ROBO1: variants seen among roughly 807,000 people sequenced by gnomAD.
ROBO1 encodes the protein roundabout guidance receptor 1.
A neutral mutation model predicts 195.9 loss-of-function variants in ROBO1; 149 were observed. The observed-to-expected ratio is 0.76, with a 90% CI of 0.67 to 0.87. ROBO1 has a LOEUF of 0.87. Ranked by LOEUF, ROBO1 falls within the 40% of genes least tolerant of loss-of-function variation. The pLI is 0.00. For synonymous variants in ROBO1, 816 were observed against 733.2 expected, an observed-to-expected ratio of 1.11 and a Z score of -1.82; for missense variants, 1,933 against 2,068.3, an observed-to-expected ratio of 0.93 and a Z score of 1.27.
At chr3:78,680,784 A>G (rs1432977281) in intron 10 of ROBO1, among the ~76,000 whole-genome samples, 3 of 147,560 alleles carry the variant, frequency 2.0e-5, no homozygotes, top group African/African-American at 5.1e-5. Context: ...GCGATTCCTC[A>G]GGGATCTAGA....
chr3:79,136,519 C>A (rs2080412621), intron 2 of ROBO1, among the ~76,000 whole-genome samples: 2 of 152,058 alleles, frequency 1.3e-5, no homozygotes, highest in Non-Finnish European at 2.9e-5. Context: ...TTGTGTTCTA[C>A]AAATTGGATC....
chr3:78,903,813 T>G (rs1198422076), intron 4 of ROBO1, among the ~76,000 whole-genome samples: 1 of 152,118 alleles, frequency 6.6e-6, no homozygotes, highest in Non-Finnish European at 1.5e-5. Flanking sequence ...TTTAAATGCT[T>G]AAATCTCTTA....
intron 2 of ROBO1, among the ~76,000 whole-genome samples, chr3:79,277,856 T>A (rs2031176964): frequency 1.3e-5 from 2 of 151,588 alleles, no homozygotes; most frequent in African/African-American, 4.8e-5. Flanking sequence ...ATAGAGGGCA[T>A]CCAAATTGAA....
chr3:79,315,115 C>T (rs949457928), intron 2 of ROBO1, among the ~76,000 whole-genome samples: 2 of 152,010 alleles, frequency 1.3e-5, no homozygotes, highest in Non-Finnish European at 2.9e-5. Context: ...TGGTTTTGAA[C>T]AGAAGGATGA....
chr3:78,822,093 TACACACACAC>T (rs113114251), intron 4 of ROBO1, among the ~76,000 whole-genome samples: 2 of 146,854 alleles, frequency 1.4e-5, no homozygotes, highest in Non-Finnish European at 3.0e-5. Flanking sequence ...CACATATACA[TACACACACAC>T]ACACACACAC....
chr3:79,698,240 T>C (rs1252595976), intron 1 of ROBO1, among the ~76,000 whole-genome samples: 1 of 151,496 alleles, frequency 6.6e-6, no homozygotes, highest in Non-Finnish European at 1.5e-5. Context: ...ACTATAACTA[T>C]TAGTAGCAAT....
chr3:79,196,286 T>G (rs2081633195), intron 2 of ROBO1, among the ~76,000 whole-genome samples: 1 of 150,142 alleles, frequency 6.7e-6, no homozygotes, highest in Non-Finnish European at 1.5e-5. Flanking sequence ...TTTTTTTTTT[T>G]TTTTTCAGTT....
At position 78,688,791 on chromosome 3, in the gene ROBO1, A is replaced by C; in HGVS notation, c.1046-19T>G. The C allele has an allele frequency of 6.3e-7, 1 of 1,596,886 alleles. No homozygotes were observed. The highest frequency in any genetic ancestry group is 8.5e-7 in the Non-Finnish European group (1 of 1,171,706). ...GGAGGTTCTGAAGGAGGTGAAACAA[A>C]TTACACCGAATTAAAAGCACGTTGT... On this transcript the variant is annotated intron_variant, in intron 8 of 30. Coordinates refer to ENST00000464233, the MANE Select transcript of ROBO1 (RefSeq NM_002941.4).
intron 4 of ROBO1, among the ~76,000 whole-genome samples, chr3:78,825,096 T>C (rs557112098): frequency 1.8e-4 from 27 of 152,200 alleles, no homozygotes; most frequent in Non-Finnish European, 3.1e-4. Flanking sequence ...TTACTTCAAA[T>C]ACATGCTGAG....
chr3:78,859,750 G>A (rs1432891496), intron 4 of ROBO1, among the ~76,000 whole-genome samples: 1 of 152,048 alleles, frequency 6.6e-6, no homozygotes, highest in Non-Finnish European at 1.5e-5. Context: ...CAATAAGAAG[G>A]GGCATTGGGA....
At chr3:79,123,456 CATT>C (rs1206969691) in intron 3 of ROBO1, among the ~76,000 whole-genome samples, 1 of 151,924 alleles carries the variant, frequency 6.6e-6, no homozygotes, top group Admixed American at 6.6e-5. Flanking sequence ...ATGCAGTCAA[CATT>C]ATTTTTTCTA....
intron 4 of ROBO1, among the ~76,000 whole-genome samples, chr3:78,772,389 A>C (rs2083397509): frequency 6.6e-6 from 1 of 152,116 alleles, no homozygotes; most frequent in South Asian, 2.1e-4. Context: ...TATACTTTGG[A>C]AAACGTCATC....
intron 1 of ROBO1, among the ~76,000 whole-genome samples, chr3:79,700,232 T>C (rs549253340): frequency 4.0e-5 from 6 of 151,782 alleles, no homozygotes; most frequent in African/African-American, 1.4e-4. Flanking sequence ...CCACCAGTGA[T>C]AGGTAGCTAG....
At chr3:79,071,890 C>T (rs761891814) in intron 3 of ROBO1, among the ~76,000 whole-genome samples, 2 of 151,568 alleles carry the variant, frequency 1.3e-5, no homozygotes, top group African/African-American at 2.4e-5. Context: ...ATAATTAAAT[C>T]TACTGTAGAA....
In ROBO1 at chr3:79,486,361, C is replaced by A. The variant is rs1460535929; in HGVS notation, c.88+103463G>T. ...GAGATTCCTTTATATATACCGATTTCTTTGCCCTGCAAGACCTTTCTTGGC... is the reference window on the plus strand; with the variant it reads ...GAGATTCCTTTATATATACCGATTTATTTGCCCTGCAAGACCTTTCTTGGC... On this transcript the variant is annotated intron_variant, in intron 2 of 30. Transcript: ENST00000464233. Among the ~76,000 whole-genome samples the A allele has an allele frequency of 3.3e-5, 5 of 152,160 alleles. No individual in the cohort carries two copies. The East Asian group carries it at 9.7e-4, about 29-fold the overall frequency.
intron 2 of ROBO1, among the ~76,000 whole-genome samples, chr3:79,383,401 C>T (rs963794126): frequency 1.4e-4 from 21 of 151,702 alleles, no homozygotes; most frequent in Non-Finnish European, 1.3e-4. Context: ...ATTGTTTGAT[C>T]AACAATTTTT....
At chr3:79,688,867 G>A (rs12107371) in intron 1 of ROBO1, among the ~76,000 whole-genome samples, 43,398 of 151,794 alleles carry the variant, frequency 0.29, 7,220 homozygotes, top group African/African-American at 0.47. Context: ...ATTGTTGTAA[G>A]ATACACATGC....
At chr3:78,618,250 T>G (rs1211830469) in intron 26 of ROBO1, among the ~76,000 whole-genome samples, 1 of 152,228 alleles carries the variant, frequency 6.6e-6, no homozygotes, top group Non-Finnish European at 1.5e-5. Context: ...CGGGTTACTT[T>G]CTGATTCAAG....
intron 2 of ROBO1, among the ~76,000 whole-genome samples, chr3:79,296,724 T>C (rs906219463): frequency 6.6e-6 from 1 of 152,202 alleles, no homozygotes; most frequent in Non-Finnish European, 1.5e-5. Flanking sequence ...GGAGTCAGAA[T>C]AGTCTCCTTT....
Sources: allele counts gnomAD v4.1 joint callset (sites outside exome capture counted in the v4.1 genomes callset), GRCh38; gene constraint gnomAD v4.1.1; transcripts MANE v1.5; gene names NCBI Gene and HGNC (gene_info 2026-07-23, HGNC 2026-07-21).